The following SCNN1G variants were observed in gnomAD, a reference collection of about 807,000 sequenced individuals.
SCNN1G encodes epithelial sodium channel subunit gamma.
A neutral mutation model predicts 64.6 loss-of-function variants in SCNN1G; 27 were observed. The ratio of observed to expected loss-of-function variants is 0.42; its 90% CI spans 0.31 to 0.58. SCNN1G has a LOEUF of 0.58. SCNN1G is among the 20% of genes least tolerant of loss of function. The pLI is 0.18. For missense variants in SCNN1G, 743 were observed against 823.4 expected, an observed-to-expected ratio of 0.90 and a Z score of 1.19; for synonymous variants, 330 against 314.2, an observed-to-expected ratio of 1.05 and a Z score of -0.53.
rs1596779113 is a variant in SCNN1G, at chr16:23,214,731, T to C, written c.1513T>C (p.Leu505=). 5.0e-6 allele frequency: 8 copies of C among 1,614,096 alleles called. No homozygotes were observed. The highest frequency in any genetic ancestry group is 6.8e-6 in the Non-Finnish European group (8 of 1,179,948). ...TTGCAGGACAGACTTGGCCAAACTCTTGATATTCTACAAAGACCTGAACCA... is the reference window on the plus strand; with the variant it reads ...TTGCAGGACAGACTTGGCCAAACTCCTGATATTCTACAAAGACCTGAACCA... The part of the protein sequence containing the change: ...KLNKTDLAKL[L]IFYKDLNQRS... The change falls in exon 12 of 13, where the codon TTG becomes CTG. Residue 505 remains leucine (L), a synonymous_variant. Transcript: ENST00000300061.
chr16:23,194,329 G>A, intron 5 of SCNN1G, 55 bp downstream of exon 5: 2 of 1,241,530 alleles, frequency 1.6e-6, no homozygotes, highest in Admixed American at 1.7e-5. Flanking sequence ...GGACATGGGG[G>A]CAGCAGGACA....
Position 23,186,466 on chromosome 16 carries a change from C to T in SCNN1G, c.195C>T (p.Ala65=), listed in dbSNP as rs770267415. 1.2e-6 allele frequency: 2 copies of T among 1,614,152 alleles called. No individual in the cohort carries two copies. The highest frequency in any genetic ancestry group is 2.2e-5 in the East Asian group (1 of 44,872). The change falls in exon 2 of 13, where the codon GCC becomes GCT. Residue 65 remains alanine, a synonymous_variant. Transcript: ENST00000300061. ...TCGGGTTCACACTGACTGCCGTGGC[C>T]CTCATCCTCTGGCAGTGCGCCCTCC... ...LWIGFTLTAV[A]LILWQCALLV... is the part of the protein sequence containing the mutation.
intron 6 of SCNN1G, among the ~76,000 whole-genome samples, chr16:23,207,093 A>G (rs1960002973): frequency 6.6e-6 from 1 of 152,214 alleles, no homozygotes; most frequent in African/African-American, 2.4e-5. Context: ...TGAGTTTGAT[A>G]AGCATCGTTG....
At chr16:23,209,403 T>C (rs912268530) in intron 6 of SCNN1G, among the ~76,000 whole-genome samples, 2 of 152,174 alleles carry the variant, frequency 1.3e-5, no homozygotes, top group African/African-American at 4.8e-5. Context: ...AAACTGCCCA[T>C]CTGCTCTTAA....
chr16:23,213,230 T>C, intron 11 of SCNN1G, 67 bp downstream of exon 11: 1 of 1,090,518 alleles, frequency 9.2e-7, no homozygotes, highest in Non-Finnish European at 1.4e-6. Flanking sequence ...CACTTGCTTC[T>C]GTATGTGTAT....
intron 11 of SCNN1G, among the ~76,000 whole-genome samples, chr16:23,213,628 C>T (rs1960117045): frequency 1.3e-5 from 2 of 152,306 alleles, no homozygotes; most frequent in East Asian, 3.9e-4. Context: ...TGAATCATGC[C>T]ATGTGAACTC....
At chr16:23,202,331 G>A (rs1959904551) in intron 6 of SCNN1G, among the ~76,000 whole-genome samples, 1 of 152,016 alleles carries the variant, frequency 6.6e-6, no homozygotes, top group Admixed American at 6.6e-5. Flanking sequence ...TGGGTAGATG[G>A]GTAGGTGGAT....
chr16:23,190,905 G>A (rs1276005377), intron 3 of SCNN1G, among the ~76,000 whole-genome samples: 5 of 127,588 alleles, frequency 3.9e-5, no homozygotes, highest in East Asian at 2.7e-4. Flanking sequence ...GTGCAGTGGT[G>A]TGATCTCGGC....
chr16:23,183,903 C>T (rs1182414204), intron 1 of SCNN1G, among the ~76,000 whole-genome samples: 5 of 152,166 alleles, frequency 3.3e-5, no homozygotes, highest in African/African-American at 1.2e-4. Flanking sequence ...CTAGTGTGAC[C>T]TTGGGCAAGC....
At chr16:23,203,357 G>A (rs1045924074) in intron 6 of SCNN1G, among the ~76,000 whole-genome samples, 1 of 152,098 alleles carries the variant, frequency 6.6e-6, no homozygotes, top group Non-Finnish European at 1.5e-5. Context: ...GTGGGGTTGG[G>A]GACCAGGCCC....
chr16:23,207,346 C>T (rs1224004136), intron 6 of SCNN1G, among the ~76,000 whole-genome samples: 1 of 152,212 alleles, frequency 6.6e-6, no homozygotes, highest in Non-Finnish European at 1.5e-5. Flanking sequence ...AACAGTTCAG[C>T]AGGACCGGGG....
intron 6 of SCNN1G, among the ~76,000 whole-genome samples, chr16:23,198,483 C>G (rs1337623287): frequency 6.6e-6 from 1 of 152,212 alleles, no homozygotes; most frequent in East Asian, 1.9e-4. Context: ...ATAATCCCAG[C>G]ACTTTGGAAG....
Position 23,215,572 on chromosome 16 carries a change from C to A in SCNN1G, c.*103C>A. ...TGCACAGGGGACCCTCTGCCCCACT[C>A]TGGGCTTTTCAGATACTCTGACCAA... On this transcript the variant is annotated 3_prime_UTR_variant, in exon 13 of 13. Coordinates refer to ENST00000300061, the MANE Select transcript of SCNN1G (RefSeq NM_001039.4). 1 of 1,417,646 alleles carries A rather than the reference C, an allele frequency of 7.1e-7. No individual in the cohort carries two copies. Among genetic ancestry groups the A allele is most frequent in the Non-Finnish European group, 9.8e-7 (1 of 1,019,144 alleles). The allele number at this position is 1,417,646 out of a possible 1,614,324, so 87.8% of individuals were successfully genotyped here.
At chr16:23,211,953 C>T (rs910355954) in intron 7 of SCNN1G, 81 bp from the exon 8 acceptor site, 10 of 1,030,704 alleles carry the variant, frequency 9.7e-6, no homozygotes, top group Non-Finnish European at 1.4e-5. Flanking sequence ...AGGCTGACCC[C>T]CTGGGCTGAG....
Position 23,215,786 on chromosome 16 carries a change from C to T in SCNN1G, c.*317C>T. On this transcript the variant is annotated 3_prime_UTR_variant, in exon 13 of 13. Transcript: ENST00000300061. ...GTGAAGGCCAGAGTGAGGACTGATG[C>T]AGCTCTTTACGGGTCTTGAGAGGGA... 1 of 446,766 alleles carries T rather than the reference C, an allele frequency of 2.2e-6. No homozygotes were observed. Among genetic ancestry groups the T allele is most frequent in the Non-Finnish European group, 4.1e-6 (1 of 241,030 alleles). The allele number at this position is 446,766 out of a possible 1,614,324, so 27.7% of individuals were successfully genotyped here. A position where few individuals can be genotyped will look rare whatever the true frequency, so the allele number is the denominator to read the frequency against.
chr16:23,194,221 A>G lies in SCNN1G; in HGVS notation c.860A>G (p.Asn287Ser). ...HPMHGNCYTF[N>S]NRENETILST... ...ATGCATGGGAATTGCTATACTTTCA[A>G]CAACAGAGAAAATGAGACCATTCTC... Residue 287 changes from asparagine to serine, a missense_variant, in exon 5 of 13, where the codon AAC (asparagine) becomes AGC (serine). Asn to Ser is a conservative substitution (Grantham distance 46). Transcript: ENST00000300061. 1 of 1,614,024 alleles carries G rather than the reference A, an allele frequency of 6.2e-7. No individual in the cohort carries two copies. The highest frequency in any genetic ancestry group is 8.5e-7 in the Non-Finnish European group (1 of 1,179,938).
chr16:23,204,676 A>G (rs1324092415), intron 6 of SCNN1G, among the ~76,000 whole-genome samples: 2 of 151,984 alleles, frequency 1.3e-5, no homozygotes, highest in Non-Finnish European at 2.9e-5. Flanking sequence ...CATGCAAAAT[A>G]GTGAATGTTT....
At chr16:23,192,600 C>T (rs1224996098) in intron 4 of SCNN1G, 58 bp downstream of exon 4, 161 of 1,404,700 alleles carry the variant, frequency 1.1e-4, no homozygotes, top group Non-Finnish European at 3.0e-6. Context: ...GAGTACCAGG[C>T]CCCTTGCAGG....
Position 23,214,926 on chromosome 16 carries a change from C to A in SCNN1G, c.1569+139C>A. ...GTTGTAGGCTAGCCAGGTCTCAGGT[C>A]GGAATGCACAGAGTAAGAGGAAACA... On this transcript the variant is annotated intron_variant, in intron 12 of 12. Coordinates refer to ENST00000300061, the MANE Select transcript of SCNN1G (RefSeq NM_001039.4). 4.6e-6 allele frequency: 5 copies of A among 1,093,436 alleles called. No individual in the cohort carries two copies. In the East Asian group the frequency reaches 9.9e-5, roughly 22 times the overall value. The allele number at this position is 1,093,436 out of a possible 1,614,324, so 67.7% of individuals were successfully genotyped here. A position where few individuals can be genotyped will look rare whatever the true frequency, so the allele number is the denominator to read the frequency against.
Sources: gnomAD v4.1 joint callset for allele counts (sites outside exome capture counted in the v4.1 genomes callset) on GRCh38, gnomAD v4.1.1 for gene constraint, MANE v1.5 for transcripts, NCBI Gene and HGNC (gene_info 2026-07-23, HGNC 2026-07-21) for gene names.